MTCH1: variants seen among roughly 807,000 people sequenced by gnomAD.
MTCH1 encodes mitochondrial carrier 1.
Under a neutral mutation model 49.3 loss-of-function variants are expected in MTCH1, and 23 were observed. The observed-to-expected ratio is 0.47, with a 90% CI of 0.34 to 0.66. The LOEUF (loss-of-function observed/expected upper bound fraction) is 0.66, where lower values mean the gene tolerates loss of function less well. Among genes scored for constraint, MTCH1 ranks in the 30% least tolerant of loss-of-function variants. The pLI is 0.01. For missense variants in MTCH1, 397 were observed against 532.1 expected (o/e 0.75, Z 2.50); for synonymous variants, 229 against 215.2 (o/e 1.06, Z -0.56).
Position 36,970,552 on chromosome 6 carries a change from C to T in MTCH1, c.955-79G>A, listed in dbSNP as rs539806919. 163 of 1,607,436 alleles carry T rather than the reference C, an allele frequency of 1.0e-4. 1 individual carries two copies. In the South Asian group the frequency reaches 1.7e-3, roughly 17 times the overall value. On this transcript the variant is annotated intron_variant, in intron 9 of 11. Coordinates refer to ENST00000373627, the MANE Select transcript of MTCH1 (RefSeq NM_001271641.2). ...GGACACACCACGCCAACACCCTGTA[C>T]CAAGACCTGCCTCCAGCCATTACCA... is the stretch of plus-strand genomic sequence containing the variant.
Position 36,986,188 on chromosome 6 carries a change from A to C in MTCH1, c.-15T>G. 7.0e-7 allele frequency: 1 copy of C among 1,421,012 alleles called. No homozygotes were observed. 88.0% of individuals were successfully genotyped at this position (1,421,012 alleles called of 1,614,324 possible). On this transcript the variant is annotated 5_prime_UTR_variant, in exon 1 of 12. Transcript: ENST00000373627. The stretch of plus-strand genomic sequence containing the variant: ...GAAGCTCCCATGGCGCCCGGCGGCG[A>C]GGTCACTCCCCGTCACGTGACGGGG...
chr6:36,979,305 C>T (rs1764007591), intron 2 of MTCH1, among the ~76,000 whole-genome samples: 1 of 152,210 alleles, frequency 6.6e-6, no homozygotes. Flanking sequence ...CTAGACCCTA[C>T]CTGTGTGAGT....
chr6:36,974,722 A>C (rs748155275), intron 7 of MTCH1, among the ~76,000 whole-genome samples: 5 of 152,200 alleles, frequency 3.3e-5, no homozygotes, highest in African/African-American at 4.8e-5. Context: ...ATACACACAC[A>C]TGCACCTACA....
chr6:36,975,812 A>C, intron 6 of MTCH1, 95 bp from the exon 7 acceptor site: 1 of 1,131,612 alleles, frequency 8.8e-7, no homozygotes, highest in Non-Finnish European at 1.3e-6. Flanking sequence ...TTCTGCTCAA[A>C]TCCAGCCAGT....
chr6:36,981,173 GA>G (rs1015494859), intron 2 of MTCH1, among the ~76,000 whole-genome samples: 21 of 152,174 alleles, frequency 1.4e-4, no homozygotes, highest in Non-Finnish European at 2.9e-4. Flanking sequence ...TGGGATAAAA[GA>G]AAAAAACTCA....
In MTCH1 at chr6:36,970,704, C is replaced by A. The variant is rs771239812; in HGVS notation, c.907-10G>T. ...CCAGGGCCTGGCTGAACTGAGGAGACAGAAGGGAAGAGTGGTTTGCCACAG... is the reference window on the plus strand; with the variant it reads ...CCAGGGCCTGGCTGAACTGAGGAGAAAGAAGGGAAGAGTGGTTTGCCACAG... On this transcript the variant is annotated splice_polypyrimidine_tract_variant and intron_variant, in intron 8 of 11. Coordinates refer to ENST00000373627, the MANE Select transcript of MTCH1 (RefSeq NM_001271641.2). 1.2e-5 allele frequency: 20 copies of A among 1,613,902 alleles called. No homozygotes were observed. The highest frequency in any genetic ancestry group is 1.6e-5 in the Non-Finnish European group (19 of 1,179,936).
At chr6:36,974,136 A>T (rs1055553980) in intron 7 of MTCH1, among the ~76,000 whole-genome samples, 2 of 152,098 alleles carry the variant, frequency 1.3e-5, no homozygotes, top group African/African-American at 4.8e-5. Context: ...ACATACATAT[A>T]TGTGTGTGTG....
Position 36,978,537 on chromosome 6 carries a change from G to A in MTCH1, c.481C>T (p.Leu161Phe). Residue 161 changes from leucine to phenylalanine, a missense_variant, in exon 3 of 12, where the codon CTC becomes TTC. Leu to Phe is a conservative substitution (Grantham distance 22, BLOSUM62 0). Transcript: ENST00000373627. ...ATGCTACCCCGAGTCACAGTAGAGA[G>A]GGCGTTGGACATCAGCCGGGGACTC... ...GLSPRLMSNA[L>F]STVTRGSMKK... 6.2e-7 allele frequency: 1 copy of A among 1,614,180 alleles called. No homozygotes were observed. The highest frequency in any genetic ancestry group is 8.5e-7 in the Non-Finnish European group (1 of 1,180,014).
chr6:36,986,106 C>T lies in MTCH1; in HGVS notation c.68G>A (p.Gly23Glu). The change falls in exon 1 of 12, where the codon GGA becomes GAA. Residue 23 changes from glycine to glutamate, a missense_variant. Transcript: ENST00000373627. ...TCCGCCGCGAGCTCCGGCTCCAGCT[C>T]CGGCTCCCGCCATCCCCGCGGCACC... is the stretch of plus-strand genomic sequence containing the variant. ...RGGAAGMAGA[G>E]AGAGARGGAA... is the part of the protein sequence containing the mutation. 7.0e-7 allele frequency: 1 copy of T among 1,438,072 alleles called. No homozygotes were observed. Among genetic ancestry groups the T allele is most frequent in the South Asian group, 1.4e-5 (1 of 72,338 alleles). The allele number at this position is 1,438,072 out of a possible 1,614,324, so 89.1% of individuals were successfully genotyped here.
upstream of MTCH1, chr6:36,986,367 G>A (rs554203778): frequency 4.4e-4 from 198 of 449,106 alleles, 1 homozygote; most frequent in African/African-American, 3.3e-3. Context: ...CGGGCCGGGG[G>A]TCAATGGTGG....
intron 2 of MTCH1, 115 bp downstream of exon 2, chr6:36,981,473 A>C: frequency 1.1e-6 from 1 of 906,708 alleles, no homozygotes; most frequent in Non-Finnish European, 1.7e-6. Context: ...CCTCCATGCC[A>C]GCTCGACTGC....
chr6:36,980,872 G>C (rs1268682647), intron 2 of MTCH1, among the ~76,000 whole-genome samples: 1 of 152,230 alleles, frequency 6.6e-6, no homozygotes, highest in Non-Finnish European at 1.5e-5. Flanking sequence ...AAAAGGCCCT[G>C]GCCAGACGGC....
In MTCH1 at chr6:36,985,938, G is replaced by C. The variant is rs1055587517; in HGVS notation, c.236C>G (p.Pro79Arg). 6.4e-7 allele frequency: 1 copy of C among 1,552,310 alleles called. No homozygotes were observed. Among genetic ancestry groups the C allele is most frequent in the Non-Finnish European group, 8.7e-7 (1 of 1,148,116 alleles). Residue 79 changes from proline (P) to arginine (R), a missense_variant, in exon 1 of 12, where the codon CCG (proline) becomes CGG (arginine). Pro to Arg is a moderately radical substitution (Grantham distance 103). Coordinates refer to ENST00000373627, the MANE Select transcript of MTCH1 (RefSeq NM_001271641.2). Reference protein sequence around the residue: ...SGGLGSGDNAPTTEALFVALG... With the variant: ...SGGLGSGDNARTTEALFVALG... ...TGCCACGAAAAGAGCCTCAGTGGTC[G>C]GGGCGTTGTCCCCAGACCCCAGGCC...
Position 36,968,252 on chromosome 6 carries a change from C to G in MTCH1, c.*651G>C. The G allele has an allele frequency of 5.9e-6, 1 of 169,396 alleles. No individual in the cohort carries two copies. The highest frequency in any genetic ancestry group is 1.3e-5 in the Non-Finnish European group (1 of 77,720). 10.5% of individuals were successfully genotyped at this position (169,396 alleles called of 1,614,324 possible). ...CTGCCCAACCTCTGGGTATTCACAA[C>G]TGCACAGGTAACCAGATCCTGTACG... On this transcript the variant is annotated 3_prime_UTR_variant, in exon 12 of 12. Transcript: ENST00000373627.
rs749501986 is a variant in MTCH1, at chr6:36,977,148, C to T, written c.701+51G>A. ...CAATCCCAGCACGGCCTGCCCTGGC[C>T]GACTCTGAAAGGGTAACAGGGCCAC... is the stretch of plus-strand genomic sequence containing the variant. On this transcript the variant is annotated intron_variant, in intron 6 of 11. Transcript: ENST00000373627. The surrounding 1 kb of genome is among the most constrained non-coding windows in gnomAD (Gnocchi z 5.4). 31 of 1,594,058 alleles carry T rather than the reference C, an allele frequency of 1.9e-5. No individual in the cohort carries two copies. In the African/African-American group the frequency reaches 3.1e-4, roughly 16 times the overall value.
intron 11 of MTCH1, 93 bp downstream of exon 11, chr6:36,969,946 A>C (rs1752910420): frequency 6.4e-7 from 1 of 1,562,150 alleles, no homozygotes; most frequent in Admixed American, 1.9e-5. Flanking sequence ...GAAACCACTT[A>C]TCTTTGCATG....
chr6:36,969,686 C>G (rs1056112098), intron 11 of MTCH1: 2 of 1,209,258 alleles, frequency 1.7e-6, no homozygotes. Flanking sequence ...TGGTTACAGA[C>G]CTCGAATTTT....
intron 2 of MTCH1, among the ~76,000 whole-genome samples, chr6:36,980,729 A>C (rs1764056509): frequency 6.6e-6 from 1 of 152,264 alleles, no homozygotes; most frequent in South Asian, 2.1e-4. Context: ...GAGGTGCAGG[A>C]AACTGGAGGG....
Position 36,968,718 on chromosome 6 carries a change from G to C in MTCH1, c.*185C>G, listed in dbSNP as rs1296506688. The C allele has an allele frequency of 1.0e-6, 1 of 955,910 alleles. No individual in the cohort carries two copies. Among genetic ancestry groups the C allele is most frequent in the Non-Finnish European group, 1.6e-6 (1 of 615,404 alleles). The allele number at this position is 955,910 out of a possible 1,614,324, so 59.2% of individuals were successfully genotyped here. On this transcript the variant is annotated 3_prime_UTR_variant, in exon 12 of 12. Transcript: ENST00000373627. Reference sequence around the variant, plus strand: ...GTCTGCCGGGTGACCCAATCCACTGGGTGCAGCCCCACCCCCGCTCAACCC... The same window carrying C: ...GTCTGCCGGGTGACCCAATCCACTGCGTGCAGCCCCACCCCCGCTCAACCC...
Sources: allele counts gnomAD v4.1 joint callset (sites outside exome capture counted in the v4.1 genomes callset), GRCh38; gene constraint gnomAD v4.1.1; non-coding constraint Gnocchi (gnomAD v3.1); transcripts MANE v1.5; gene names NCBI Gene and HGNC (gene_info 2026-07-23, HGNC 2026-07-21).